The following CEP83 variants were observed in gnomAD, a reference collection of about 807,000 sequenced individuals.
The protein encoded by CEP83 is centrosomal protein 83.
A neutral mutation model predicts 101.9 loss-of-function variants in CEP83; 70 were observed. The ratio of observed to expected loss-of-function variants is 0.69; its 90% CI spans 0.57 to 0.84. The LOEUF (loss-of-function observed/expected upper bound fraction) is 0.84, where lower values mean the gene tolerates loss of function less well. CEP83 is among the 40% of genes least tolerant of loss of function. The pLI is 0.00. For synonymous variants in CEP83, 264 were observed against 267.9 expected (o/e 0.99, Z 0.14); for missense variants, 715 against 787.2 (o/e 0.91, Z 1.10).
chr12:94,319,320 T>C (rs1971233135), intron 14 of CEP83, among the ~76,000 whole-genome samples: 1 of 152,156 alleles, frequency 6.6e-6, no homozygotes, highest in African/African-American at 2.4e-5. Flanking sequence ...GGCTAACTAG[T>C]GGCCTAACAA....
chr12:94,291,246 T>C, the CEP83 span, among the ~76,000 whole-genome samples: 2 of 152,230 alleles, frequency 1.3e-5, no homozygotes, highest in Admixed American at 1.3e-4. Context: ...TATTGAAGCA[T>C]AATTTTTGAG....
chr12:94,308,682 G>GT lies in CEP83; in HGVS notation c.*130dup. On this transcript the variant is annotated 3_prime_UTR_variant, in exon 17 of 17. Coordinates refer to ENST00000397809, the MANE Select transcript of CEP83 (RefSeq NM_016122.3). ...AGTCATACAATACAGCATGTAGTAG[G>GT]TACCTTTTCTTGAGGCACATTCAAG... 3.2e-6 allele frequency: 2 copies of GT among 630,178 alleles called. No homozygotes were observed. The highest frequency in any genetic ancestry group is 5.8e-6 in the Non-Finnish European group (2 of 347,656). The allele number at this position is 630,178 out of a possible 1,614,324, so 39.0% of individuals were successfully genotyped here.
the CEP83 span, chr12:94,297,307 T>C: frequency 6.2e-7 from 1 of 1,613,224 alleles, no homozygotes; most frequent in Non-Finnish European, 8.5e-7. Context: ...TCTGCTGTCT[T>C]CCCTTCAGAT....
rs2063900190 is a variant in CEP83, at chr12:94,411,815, T to C, written c.206A>G (p.Glu69Gly). The C allele has an allele frequency of 1.9e-6, 3 of 1,612,844 alleles. No individual in the cohort carries two copies. The highest frequency in any genetic ancestry group is 1.3e-5 in the African/African-American group (1 of 75,032). ...CTTTTCATTAAACAGGTGCTTGAGTTCATTTTGTAACTTTACATGTTCATT... is the reference window on the plus strand; with the variant it reads ...CTTTTCATTAAACAGGTGCTTGAGTCCATTTTGTAACTTTACATGTTCATT... ...LQNEHVKLQN[E>G]LKHLFNEKQT... The change falls in exon 4 of 17, where the codon GAA becomes GGA. Residue 69 changes from glutamate (E) to glycine (G), a missense_variant. Glu to Gly is a moderately conservative substitution (Grantham distance 98). Transcript: ENST00000397809.
At chr12:94,343,726 C>A (rs943493150) in intron 11 of CEP83, among the ~76,000 whole-genome samples, 1 of 151,286 alleles carries the variant, frequency 6.6e-6, no homozygotes, top group African/African-American at 2.4e-5. Context: ...ATCTCCTGAC[C>A]TCATGATCCA....
intron 6 of CEP83, among the ~76,000 whole-genome samples, chr12:94,386,500 C>T (rs1203301012): frequency 6.6e-6 from 1 of 152,174 alleles, no homozygotes; most frequent in African/African-American, 2.4e-5. Context: ...AACTCCTCAG[C>T]TCAAAGATCA....
chr12:94,372,906 C>T (rs753174990), intron 8 of CEP83, among the ~76,000 whole-genome samples: 18 of 152,156 alleles, frequency 1.2e-4, no homozygotes, highest in Admixed American at 3.3e-4. Flanking sequence ...ATCACTGATG[C>T]ATCACTTATA....
At chr12:94,342,248 T>C (rs2059716437) in intron 11 of CEP83, among the ~76,000 whole-genome samples, 1 of 152,206 alleles carries the variant, frequency 6.6e-6, no homozygotes, top group South Asian at 2.1e-4. Flanking sequence ...TTAATGAACA[T>C]GATTTTTAAA....
chr12:94,368,490 C>A, intron 9 of CEP83: 1 of 245,528 alleles, frequency 4.1e-6, no homozygotes, highest in Non-Finnish European at 7.7e-6. Context: ...GAGTTGAGAT[C>A]AAACTGGATG....
At chr12:94,297,524 T>A in the CEP83 span, 1 of 806,522 alleles carries the variant, frequency 1.2e-6, no homozygotes, top group South Asian at 1.6e-5. Flanking sequence ...AAATCCCTTG[T>A]GCCTTCTAGC....
chr12:94,312,308 A>G (rs543824562), intron 15 of CEP83, among the ~76,000 whole-genome samples: 1 of 152,314 alleles, frequency 6.6e-6, no homozygotes, highest in Non-Finnish European at 1.5e-5. Flanking sequence ...ACGTCACTGC[A>G]TGATATTATA....
intron 2 of CEP83, among the ~76,000 whole-genome samples, chr12:94,417,472 C>T (rs2064367470): frequency 6.6e-6 from 1 of 151,978 alleles, no homozygotes; most frequent in South Asian, 2.1e-4. Flanking sequence ...TTATAATATC[C>T]CAAATGTCCA....
At chr12:94,346,447 C>CAA (rs201802151) in intron 11 of CEP83, among the ~76,000 whole-genome samples, 3,200 of 91,334 alleles carry the variant, frequency 0.035, 134 homozygotes, top group African/African-American at 0.11. Context: ...GACGCCGTCT[C>CAA]AAAAAAAAAA....
chr12:94,377,539 T>C (rs2061614925), intron 7 of CEP83, among the ~76,000 whole-genome samples: 1 of 152,218 alleles, frequency 6.6e-6, no homozygotes, highest in African/African-American at 2.4e-5. Context: ...ATTTTCTTCA[T>C]ATATGAAATA....
At chr12:94,266,107 G>C in the CEP83 span, among the ~76,000 whole-genome samples, 2 of 152,218 alleles carry the variant, frequency 1.3e-5, no homozygotes, top group Admixed American at 1.3e-4. Flanking sequence ...CTCATTAAGA[G>C]AGCTGAGTCT....
chr12:94,388,676 CTT>C (rs946530184), intron 6 of CEP83, among the ~76,000 whole-genome samples: 3 of 151,918 alleles, frequency 2.0e-5, no homozygotes, highest in African/African-American at 7.3e-5. Flanking sequence ...AATTTGGAAA[CTT>C]TTTTTTACAC....
intron 11 of CEP83, among the ~76,000 whole-genome samples, chr12:94,347,280 A>G (rs972923609): frequency 6.6e-6 from 1 of 152,124 alleles, no homozygotes; most frequent in African/African-American, 2.4e-5. Flanking sequence ...ACTTCACAAA[A>G]GTAGCTTATA....
At chr12:94,274,694 C>T in the CEP83 span, among the ~76,000 whole-genome samples, 1 of 152,190 alleles carries the variant, frequency 6.6e-6, no homozygotes, top group Non-Finnish European at 1.5e-5. Flanking sequence ...TTGGACCATG[C>T]TTACTTTACA....
rs12298983 is a variant in CEP83, at chr12:94,452,032, C to T, written c.-155+7525G>A. On this transcript the variant is annotated intron_variant, in intron 1 of 16. Transcript: ENST00000397809. Reference sequence around the variant, plus strand: ...TATGCAACAATTAAAAAGAACAAAACATTGATATACATACATTAAATAAAC... The same window carrying T: ...TATGCAACAATTAAAAAGAACAAAATATTGATATACATACATTAAATAAAC... Among the ~76,000 whole-genome samples, 1,315 of 152,194 alleles carry T rather than the reference C, an allele frequency of 8.6e-3. 22 individuals carry two copies. The highest frequency in any genetic ancestry group is 0.03 in the African/African-American group (1,266 of 41,532).
Sources: gnomAD v4.1 joint callset for allele counts (sites outside exome capture counted in the v4.1 genomes callset) on GRCh38, gnomAD v4.1.1 for gene constraint, MANE v1.5 for transcripts, NCBI Gene and HGNC (gene_info 2026-07-23, HGNC 2026-07-21) for gene names.